Variants in KCNH5 observed in about 807,000 individuals in gnomAD.
KCNH5 encodes voltage-gated delayed rectifier potassium channel KCNH5.
In KCNH5, 46 loss-of-function variants were observed where a neutral mutation model predicts 96.1. That is an observed-to-expected ratio of 0.48 (90% CI 0.38 to 0.61). The LOEUF (loss-of-function observed/expected upper bound fraction) is 0.61. Among genes scored for constraint, KCNH5 ranks in the 20% least tolerant of loss-of-function variants. KCNH5 has a pLI of 0.00. For synonymous variants in KCNH5, 439 were observed against 449.8 expected, an observed-to-expected ratio of 0.98 and a Z score of 0.30; for missense variants, 907 against 1,225.8, an observed-to-expected ratio of 0.74 and a Z score of 3.88.
chr14:62,849,258 G>A (rs2140045109), intron 8 of KCNH5, among the ~76,000 whole-genome samples: 1 of 152,232 alleles, frequency 6.6e-6, no homozygotes, highest in East Asian at 1.9e-4. Flanking sequence ...TAGGCAGGAA[G>A]TCTCTTTCTA....
At chr14:62,867,100 C>T (rs1265266707) in intron 7 of KCNH5, among the ~76,000 whole-genome samples, 1 of 152,144 alleles carries the variant, frequency 6.6e-6, no homozygotes, top group Non-Finnish European at 1.5e-5. Flanking sequence ...CCATGGTTAT[C>T]AGCAAAGAGG....
intron 8 of KCNH5, among the ~76,000 whole-genome samples, chr14:62,805,538 T>C (rs1387218850): frequency 6.6e-6 from 1 of 152,176 alleles, no homozygotes; most frequent in African/African-American, 2.4e-5. Flanking sequence ...AAAATATAAG[T>C]ATCTTGTTAT....
At chr14:62,886,866 A>C (rs570688099) in intron 7 of KCNH5, among the ~76,000 whole-genome samples, 4 of 152,356 alleles carry the variant, frequency 2.6e-5, no homozygotes, top group African/African-American at 9.6e-5. Flanking sequence ...AGACTTTATT[A>C]GATGATATCA....
rs1490826447 is a variant in KCNH5, at chr14:62,707,857, A to G, written c.2618T>C (p.Leu873Pro). The change falls in exon 11 of 11, where the codon CTT becomes CCT. Residue 873 changes from leucine (L) to proline (P), a missense_variant. Coordinates refer to ENST00000322893, the MANE Select transcript of KCNH5 (RefSeq NM_139318.5). ...GGCCTCCCCAGCCTTATCCAAACGA[A>G]GGTCACTTTTTGTAATTCCACTGTC... Reference protein sequence around the residue: ...SCDSGITKSDLRLDKAGEARS... With the variant: ...SCDSGITKSDPRLDKAGEARS... 3 of 1,614,004 alleles carry G rather than the reference A, an allele frequency of 1.9e-6. No homozygotes were observed. The highest frequency in any genetic ancestry group is 2.5e-6 in the Non-Finnish European group (3 of 1,180,030).
At chr14:62,769,871 T>C (rs924802676) in intron 10 of KCNH5, among the ~76,000 whole-genome samples, 17 of 152,170 alleles carry the variant, frequency 1.1e-4, no homozygotes, top group African/African-American at 4.1e-4. Context: ...ATTGTTTAGT[T>C]GAAAAATAGA....
At chr14:62,973,876 G>A (rs537522092) in intron 6 of KCNH5, among the ~76,000 whole-genome samples, 4 of 152,198 alleles carry the variant, frequency 2.6e-5, no homozygotes, top group Admixed American at 1.3e-4. Context: ...GGTCTGAGAT[G>A]GCAAGCAAAA....
At chr14:62,864,098 C>T (rs1888088137) in intron 7 of KCNH5, among the ~76,000 whole-genome samples, 1 of 152,096 alleles carries the variant, frequency 6.6e-6, no homozygotes, top group South Asian at 2.1e-4. Context: ...AGAAACATGA[C>T]TAAGGGGATG....
At chr14:62,872,845 T>C (rs1888284238) in intron 7 of KCNH5, among the ~76,000 whole-genome samples, 1 of 151,774 alleles carries the variant, frequency 6.6e-6, no homozygotes, top group South Asian at 2.1e-4. Context: ...TGGAGTATGG[T>C]GAGATGGCAG....
intron 3 of KCNH5, among the ~76,000 whole-genome samples, chr14:63,003,494 A>T (rs529944397): frequency 4.0e-4 from 50 of 124,522 alleles, no homozygotes; most frequent in African/African-American, 1.5e-3. Context: ...TATATATATT[A>T]TATATATATT....
chr14:62,938,677 G>A (rs1398694968), intron 7 of KCNH5, among the ~76,000 whole-genome samples: 1 of 152,218 alleles, frequency 6.6e-6, no homozygotes, highest in Non-Finnish European at 1.5e-5. Flanking sequence ...CCCACTGTCT[G>A]TTCTACACCA....
chr14:62,724,348 C>T (rs1884878765), intron 10 of KCNH5, among the ~76,000 whole-genome samples: 1 of 152,148 alleles, frequency 6.6e-6, no homozygotes, highest in African/African-American at 2.4e-5. Flanking sequence ...AAAGATGGGG[C>T]TGAACTTGCT....
intron 3 of KCNH5, among the ~76,000 whole-genome samples, chr14:63,004,201 T>C (rs1313808260): frequency 6.6e-6 from 1 of 152,218 alleles, no homozygotes; most frequent in Non-Finnish European, 1.5e-5. Flanking sequence ...CACAAAAATA[T>C]GCTTTTCTCA....
chr14:62,703,159 G>A lies in KCNH5; in HGVS notation c.*4349C>T, dbSNP rs556358116. 55 of 151,776 alleles carry A rather than the reference G, an allele frequency of 3.6e-4. No homozygotes were observed. The highest frequency in any genetic ancestry group is 9.4e-4 in the African/African-American group (39 of 41,470). The allele number at this position is 151,776 out of a possible 1,614,324, so 9.4% of individuals were successfully genotyped here. ...GTCAAAGGAGCTTCATTCTTTCCAC[G>A]TTTATTTGATTTGTAGTTCTAAATT... On this transcript the variant is annotated 3_prime_UTR_variant, in exon 11 of 11. Coordinates refer to ENST00000322893, the MANE Select transcript of KCNH5 (RefSeq NM_139318.5).
chr14:62,867,566 A>G (rs1595662339), intron 7 of KCNH5, among the ~76,000 whole-genome samples: 1 of 152,290 alleles, frequency 6.6e-6, no homozygotes, highest in Admixed American at 6.5e-5. Flanking sequence ...CCTCCTAACT[A>G]GTTCTTTATT....
At chr14:62,744,453 G>A (rs1885334158) in intron 10 of KCNH5, among the ~76,000 whole-genome samples, 1 of 152,080 alleles carries the variant, frequency 6.6e-6, no homozygotes, top group Non-Finnish European at 1.5e-5. Flanking sequence ...AGATTAAGGT[G>A]GGCACTCAAA....
chr14:62,795,146 G>C (rs1023104177), intron 9 of KCNH5, among the ~76,000 whole-genome samples: 2 of 152,056 alleles, frequency 1.3e-5, no homozygotes, highest in African/African-American at 4.8e-5. Flanking sequence ...TAAAGTTATG[G>C]GCTTTTGAGA....
chr14:62,905,994 T>C (rs1889019348), intron 7 of KCNH5, among the ~76,000 whole-genome samples: 1 of 152,172 alleles, frequency 6.6e-6, no homozygotes, highest in Non-Finnish European at 1.5e-5. Context: ...CCTCCCTTAC[T>C]CAAAAAGGTA....
In KCNH5 at chr14:62,981,085, G is replaced by A. The variant is rs2139568497; in HGVS notation, c.729C>T (p.Asn243=). The A allele has an allele frequency of 1.2e-6, 2 of 1,614,150 alleles. No individual in the cohort carries two copies. The highest frequency in any genetic ancestry group is 1.7e-5 in the Admixed American group (1 of 60,018). ...PYNVSFKTKQ[N]NIAWLVLDSV... ...TATCCAGTACCAGCCAGGCTATGTT[G>A]TTCTGCTTTGTTTTGAAGGAAACAT... The change falls in exon 6 of 11, where the codon AAC becomes AAT. Residue 243 remains asparagine, a synonymous_variant. Transcript: ENST00000322893.
At chr14:62,951,844 T>A (rs751660693) in intron 6 of KCNH5, among the ~76,000 whole-genome samples, 33 of 150,396 alleles carry the variant, frequency 2.2e-4, no homozygotes, top group Non-Finnish European at 4.3e-4. Context: ...GTGCCTATAA[T>A]CCCAGCTACT....
Sources: allele counts gnomAD v4.1 joint callset (sites outside exome capture counted in the v4.1 genomes callset), GRCh38; gene constraint gnomAD v4.1.1; transcripts MANE v1.5; gene names NCBI Gene and HGNC (gene_info 2026-07-23, HGNC 2026-07-21).